Variants in SGCE observed in about 807,000 individuals in gnomAD.
SGCE encodes the protein sarcoglycan epsilon.
SGCE carries 26 observed loss-of-function variants against 57.8 expected under a neutral mutation model. That is an observed-to-expected ratio of 0.45 (90% CI 0.33 to 0.62). The LOEUF (loss-of-function observed/expected upper bound fraction) is 0.62. SGCE is among the 20% of genes least tolerant of loss of function. The probability of loss-of-function intolerance (pLI) is 0.02; values close to 1 mark genes in which losing one functional copy is unlikely to be tolerated. For missense variants in SGCE, 468 were observed against 548.6 expected (o/e 0.85, Z 1.47); for synonymous variants, 183 against 189.5 (o/e 0.97, Z 0.28).
intron 5 of SGCE, among the ~76,000 whole-genome samples, chr7:94,609,897 C>G (rs1036177608): frequency 2.6e-5 from 4 of 152,242 alleles, no homozygotes; most frequent in Non-Finnish European, 5.9e-5. Flanking sequence ...CACACAAAAG[C>G]CTGCACATGG....
intron 1 of SGCE, among the ~76,000 whole-genome samples, chr7:94,652,260 A>G (rs887205914): frequency 6.6e-6 from 1 of 152,200 alleles, no homozygotes; most frequent in African/African-American, 2.4e-5. Context: ...GAGGTAGGAA[A>G]TAAGTGTTAG....
chr7:94,634,816 G>A (rs1444151907), intron 1 of SGCE, among the ~76,000 whole-genome samples: 1 of 152,206 alleles, frequency 6.6e-6, no homozygotes, highest in African/African-American at 2.4e-5. Context: ...GGTGATGGCA[G>A]CAGAAACTCT....
At chr7:94,655,871 G>C (rs1808581231) in intron 1 of SGCE, 119 bp downstream of exon 1, 2 of 693,712 alleles carry the variant, frequency 2.9e-6, no homozygotes, top group Admixed American at 4.1e-5. Flanking sequence ...GTGGGGTCCG[G>C]GACAGAAAGA....
At chr7:94,653,629 TTC>T (rs1388343100) in intron 1 of SGCE, among the ~76,000 whole-genome samples, 3 of 152,034 alleles carry the variant, frequency 2.0e-5, no homozygotes, top group South Asian at 2.1e-4. Context: ...AATGTTATCT[TTC>T]TGTTTTATTT....
intron 9 of SGCE, chr7:94,590,515 T>A (rs1797533349): frequency 6.6e-6 from 1 of 152,224 alleles, no homozygotes; most frequent in South Asian, 2.1e-4. Flanking sequence ...TAGTTTCACA[T>A]ATTGATACTA....
At position 94,604,806 on chromosome 7, in the gene SGCE, AATAT is replaced by A. The variant is rs59162734; in HGVS notation, c.663-1358_663-1355del. 5.9e-3 allele frequency among the ~76,000 whole-genome samples: 261 copies of A among 44,058 alleles called. 1 individual carries two copies. Among genetic ancestry groups the A allele is most frequent in the African/African-American group, 7.4e-3 (58 of 7,860 alleles). 28.9% of individuals were successfully genotyped at this position (44,058 alleles called of 152,430 possible). On this transcript the variant is annotated intron_variant, in intron 5 of 10. Transcript: ENST00000648936. ...TATTTTTTATAACTAATGGTGCTGG[AATAT>A]ATATATATATATATATATATATATA...
chr7:94,590,775 G>T (rs1184855398), intron 9 of SGCE: 1 of 152,100 alleles, frequency 6.6e-6, no homozygotes, highest in African/African-American at 2.4e-5. Context: ...CCTCATGCTG[G>T]CCCCTACAGC....
At chr7:94,613,129 G>A (rs761297724) in intron 5 of SGCE, among the ~76,000 whole-genome samples, 5 of 152,124 alleles carry the variant, frequency 3.3e-5, no homozygotes, top group Non-Finnish European at 7.4e-5. Context: ...AAAACAAACG[G>A]AACACAGATG....
At chr7:94,632,380 G>C (rs1804851853) in intron 1 of SGCE, among the ~76,000 whole-genome samples, 1 of 151,992 alleles carries the variant, frequency 6.6e-6, no homozygotes, top group African/African-American at 2.4e-5. Context: ...GCGTTCTACA[G>C]AGCCAAGACA....
intron 5 of SGCE, among the ~76,000 whole-genome samples, chr7:94,611,498 G>T (rs1801031258): frequency 6.6e-6 from 1 of 151,746 alleles, no homozygotes; most frequent in Non-Finnish European, 1.5e-5. Context: ...GGTGGGGGTG[G>T]GGGTGACTTC....
chr7:94,591,252 C>A (rs1292345273), intron 9 of SGCE, among the ~76,000 whole-genome samples: 1 of 152,134 alleles, frequency 6.6e-6, no homozygotes, highest in African/African-American at 2.4e-5. Context: ...ATCTTTACTA[C>A]AGAAGTCAAA....
At chr7:94,640,344 C>T (rs1212684812) in intron 1 of SGCE, among the ~76,000 whole-genome samples, 1 of 152,140 alleles carries the variant, frequency 6.6e-6, no homozygotes, top group African/African-American at 2.4e-5. Context: ...TTAAAGATAC[C>T]ATGTCCCTGG....
At chr7:94,599,125 C>T (rs1469289299) in intron 8 of SGCE, 162 bp from the exon 9 acceptor site, 1 of 583,318 alleles carries the variant, frequency 1.7e-6, no homozygotes, top group African/African-American at 1.9e-5. Context: ...ATACATCTCA[C>T]ATACTTTTAA....
chr7:94,649,619 T>C (rs970370516), intron 1 of SGCE, among the ~76,000 whole-genome samples: 23 of 152,306 alleles, frequency 1.5e-4, no homozygotes, highest in Non-Finnish European at 2.8e-4. Flanking sequence ...ATGCAAGCCA[T>C]CTCAAACTGC....
chr7:94,639,375 A>G lies in SGCE; in HGVS notation c.110-9534T>C, dbSNP rs966209988. 2.8e-5 allele frequency: 43 copies of G among 1,535,230 alleles called. No individual in the cohort carries two copies. The highest frequency in any genetic ancestry group is 3.7e-5 in the Non-Finnish European group (42 of 1,146,232). ...TCCCAGCAGCCATTTTTCTGCTGATAATAAAATTGTTGGCCTGTCTGGTCT... is the reference window on the plus strand; with the variant it reads ...TCCCAGCAGCCATTTTTCTGCTGATGATAAAATTGTTGGCCTGTCTGGTCT... On this transcript the variant is annotated intron_variant, in intron 1 of 10. Coordinates refer to ENST00000648936, the MANE Select transcript of SGCE (RefSeq NM_003919.3).
At chr7:94,628,499 G>T in intron 2 of SGCE, 140 bp from the exon 3 acceptor site, 1 of 630,022 alleles carries the variant, frequency 1.6e-6, no homozygotes, top group Non-Finnish European at 2.7e-6. Context: ...AAACCCATCT[G>T]GGAATTTAAA....
Position 94,591,671 on chromosome 7 carries a change from T to C in SGCE, c.1254-2939A>G, listed in dbSNP as rs547154590. Among the ~76,000 whole-genome samples, 231 of 152,284 alleles carry C rather than the reference T, an allele frequency of 1.5e-3. 1 individual carries two copies. Among genetic ancestry groups the C allele is most frequent in the African/African-American group, 5.3e-3 (220 of 41,564 alleles). ...TCCCAACTGACCTTTCTGTGGAATT[T>C]AGCTTGGAAACCACTGATCAAAGTC... is the stretch of plus-strand genomic sequence containing the variant. On this transcript the variant is annotated intron_variant, in intron 9 of 10. Transcript: ENST00000648936.
chr7:94,590,315 C>CA (rs1797504050), intron 9 of SGCE, among the ~76,000 whole-genome samples: 2 of 152,260 alleles, frequency 1.3e-5, no homozygotes, highest in East Asian at 3.9e-4. Context: ...TATGCATCCT[C>CA]ACTCTCTAAG....
intron 1 of SGCE, among the ~76,000 whole-genome samples, chr7:94,652,795 G>A (rs1202644607): frequency 6.6e-6 from 1 of 152,112 alleles, no homozygotes; most frequent in East Asian, 1.9e-4. Flanking sequence ...ATTGTACTTT[G>A]CTTAGAAATA....
Sources: gnomAD v4.1 joint callset for allele counts (sites outside exome capture counted in the v4.1 genomes callset) on GRCh38, gnomAD v4.1.1 for gene constraint, MANE v1.5 for transcripts, NCBI Gene and HGNC (gene_info 2026-07-23, HGNC 2026-07-21) for gene names.